The following COL19A1 variants were observed in gnomAD, a reference collection of about 807,000 sequenced individuals.
The protein encoded by COL19A1 is collagen type XIX alpha 1 chain.
In COL19A1, 159 loss-of-function variants were observed where a neutral mutation model predicts 190.2. The ratio of observed to expected loss-of-function variants is 0.84; its 90% CI spans 0.73 to 0.95. COL19A1 has a LOEUF of 0.95. COL19A1 is among the 40% of genes least tolerant of loss of function. The pLI, the probability that COL19A1 is intolerant of heterozygous loss-of-function variation, is 0.00. For missense variants in COL19A1, 1,418 were observed against 1,431.9 expected (o/e 0.99, Z 0.16); for synonymous variants, 509 against 458.9 (o/e 1.11, Z -1.39).
At chr6:70,100,476 T>C (rs1783558311) in intron 15 of COL19A1, among the ~76,000 whole-genome samples, 1 of 152,038 alleles carries the variant, frequency 6.6e-6, no homozygotes, top group Non-Finnish European at 1.5e-5. Flanking sequence ...GGTTTAGATC[T>C]ATAAAATGAA....
chr6:69,930,178 A>C lies in COL19A1; in HGVS notation c.666+478A>C, dbSNP rs567539133. Among the ~76,000 whole-genome samples, 4 of 152,282 alleles carry C rather than the reference A, an allele frequency of 2.6e-5. No individual in the cohort carries two copies. In the East Asian group the frequency reaches 7.7e-4, roughly 29 times the overall value. On this transcript the variant is annotated intron_variant, in intron 6 of 50. Coordinates refer to ENST00000620364, the MANE Select transcript of COL19A1 (RefSeq NM_001858.6). The stretch of plus-strand genomic sequence containing the variant: ...TTTTATAAGCGTATAATGGTTTTTC[A>C]GGGTTCTATTGTACAGAAAAATTCA...
At chr6:69,906,372 C>T (rs879860045) in intron 4 of COL19A1, among the ~76,000 whole-genome samples, 6 of 151,984 alleles carry the variant, frequency 3.9e-5, no homozygotes, top group Admixed American at 2.0e-4. Flanking sequence ...CCCTTAGGCT[C>T]TTGATAGCTA....
At chr6:69,952,078 C>G (rs567697791) in intron 9 of COL19A1, among the ~76,000 whole-genome samples, 1 of 151,958 alleles carries the variant, frequency 6.6e-6, no homozygotes, top group African/African-American at 2.4e-5. Context: ...CCTTTAAATC[C>G]AAGGACCCCT....
chr6:69,983,863 C>T (rs558972416), intron 11 of COL19A1, among the ~76,000 whole-genome samples: 4 of 152,090 alleles, frequency 2.6e-5, no homozygotes, highest in South Asian at 4.2e-4. Context: ...TTGCTACTAT[C>T]ATGATTAGGA....
chr6:69,979,344 A>G (rs1775905864), intron 11 of COL19A1, among the ~76,000 whole-genome samples: 1 of 151,980 alleles, frequency 6.6e-6, no homozygotes, highest in Admixed American at 6.6e-5. Flanking sequence ...TAATACTATG[A>G]AGTCAAGGTG....
chr6:70,188,338 T>C (rs1305654433), intron 47 of COL19A1, 93 bp downstream of exon 47: 1 of 1,409,814 alleles, frequency 7.1e-7, no homozygotes, highest in South Asian at 1.7e-5. Context: ...TTCAAATAAA[T>C]AAAACAAACC....
chr6:70,006,014 G>T (rs569734477), intron 11 of COL19A1, among the ~76,000 whole-genome samples: 2 of 152,246 alleles, frequency 1.3e-5, no homozygotes, highest in South Asian at 4.1e-4. Flanking sequence ...CCCTTGAAAA[G>T]CACAGACTGA....
At chr6:70,025,714 A>T (rs1299961458) in intron 12 of COL19A1, among the ~76,000 whole-genome samples, 1 of 152,252 alleles carries the variant, frequency 6.6e-6, no homozygotes. Flanking sequence ...AGTACTTAGC[A>T]CATGTTTGGG....
At chr6:70,198,637 T>A (rs919159551) in intron 48 of COL19A1, among the ~76,000 whole-genome samples, 5 of 152,238 alleles carry the variant, frequency 3.3e-5, no homozygotes, top group African/African-American at 1.2e-4. Context: ...AGTTAATGAT[T>A]TTACCAAAAT....
chr6:69,964,890 G>C (rs2150048765), intron 11 of COL19A1, among the ~76,000 whole-genome samples: 1 of 152,154 alleles, frequency 6.6e-6, no homozygotes, highest in Middle Eastern at 3.4e-3. Context: ...ATGATGTTCT[G>C]CTTTATTATT....
intron 11 of COL19A1, chr6:69,973,983 A>C (rs1218399189): frequency 6.6e-6 from 1 of 152,254 alleles, no homozygotes; most frequent in South Asian, 2.1e-4. Context: ...CTGCTGTTCC[A>C]AGTGGATGTT....
intron 11 of COL19A1, among the ~76,000 whole-genome samples, chr6:70,019,606 T>C (rs1778306626): frequency 6.6e-6 from 1 of 152,132 alleles, no homozygotes; most frequent in Admixed American, 6.6e-5. Context: ...GGGAAAATCA[T>C]AAATGTAATC....
chr6:69,981,678 A>G (rs1341057320), intron 11 of COL19A1, among the ~76,000 whole-genome samples: 1 of 151,830 alleles, frequency 6.6e-6, no homozygotes, highest in Non-Finnish European at 1.5e-5. Context: ...AACATTTAAC[A>G]TTCATAAATT....
At chr6:70,181,474 C>T (rs1157591512) in intron 44 of COL19A1, among the ~76,000 whole-genome samples, 1 of 152,090 alleles carries the variant, frequency 6.6e-6, no homozygotes, top group African/African-American at 2.4e-5. Flanking sequence ...CCTCTTACCT[C>T]CTCATTCCCA....
chr6:70,123,386 G>A (rs1013249906), intron 17 of COL19A1, among the ~76,000 whole-genome samples: 153 of 151,942 alleles, frequency 1.0e-3, no homozygotes, highest in African/African-American at 3.4e-3. Flanking sequence ...CAACCATTGT[G>A]GAAGTCAGTG....
intron 16 of COL19A1, among the ~76,000 whole-genome samples, chr6:70,107,808 C>T (rs575855874): frequency 4.3e-4 from 65 of 152,208 alleles, no homozygotes; most frequent in African/African-American, 1.4e-3. Context: ...TTTTTTCTCC[C>T]GAGATTTACA....
chr6:70,120,903 G>A (rs1232324099), intron 16 of COL19A1, among the ~76,000 whole-genome samples: 1 of 152,094 alleles, frequency 6.6e-6, no homozygotes, highest in Non-Finnish European at 1.5e-5. Context: ...TGCAGCTAAC[G>A]ATTGCTTCTT....
chr6:70,018,615 C>T (rs2150100438), intron 11 of COL19A1, among the ~76,000 whole-genome samples: 1 of 152,136 alleles, frequency 6.6e-6, no homozygotes, highest in East Asian at 1.9e-4. Flanking sequence ...GAAACAAGGT[C>T]CGAGACAATG....
chr6:69,959,856 G>C (rs1774662014), intron 9 of COL19A1, 140 bp from the exon 10 acceptor site: 1 of 593,734 alleles, frequency 1.7e-6, no homozygotes, highest in Admixed American at 3.7e-5. Flanking sequence ...GGAACAGATG[G>C]AAAGTCCCTA....
Sources: allele counts gnomAD v4.1 joint callset (sites outside exome capture counted in the v4.1 genomes callset), GRCh38; gene constraint gnomAD v4.1.1; transcripts MANE v1.5; gene names NCBI Gene and HGNC (gene_info 2026-07-23, HGNC 2026-07-21).